Variants in PCDHB10 observed in about 807,000 individuals in gnomAD.
PCDHB10 encodes the protein protocadherin beta 10.
For missense variants in PCDHB10, 1,046 were observed against 1,004.7 expected, an observed-to-expected ratio of 1.04 and a Z score of -0.56; for synonymous variants, 448 against 449.2, an observed-to-expected ratio of 1.00 and a Z score of 0.04.
rs781811461 is a variant in PCDHB10, at chr5:141,192,575, T to C, written c.23T>C (p.Phe8Ser). The change falls in exon 1 of 1, where the codon TTC becomes TCC. Residue 8 changes from phenylalanine to serine, a missense_variant. Transcript: ENST00000239446. ...GCTATGGCTGTCAGAGAGTTGTGCT[T>C]CCCAAGACAAAGGCAAGTCCTGTTT... MAVRELC[F>S]PRQRQVLFLF... 1.4e-5 allele frequency: 22 copies of C among 1,614,038 alleles called. No homozygotes were observed. Among genetic ancestry groups the C allele is most frequent in the Non-Finnish European group, 1.8e-5 (21 of 1,179,998 alleles).
At position 141,194,792 on chromosome 5, in the gene PCDHB10, T is replaced by G. The variant is rs1754017706; in HGVS notation, c.2240T>G (p.Leu747Arg). The change falls in exon 1 of 1, where the codon CTG (leucine) becomes CGG (arginine). Residue 747 changes from leucine (L) to arginine (R), a missense_variant. Transcript: ENST00000239446. ...GTGGACGTGAGGGGCGCTGAGACCCTGTCCCAGAGCTACCAGTATGAGGTG... is the reference window on the plus strand; with the variant it reads ...GTGGACGTGAGGGGCGCTGAGACCCGGTCCCAGAGCTACCAGTATGAGGTG... ...HLVDVRGAET[L>R]SQSYQYEVCL... 6.2e-7 allele frequency: 1 copy of G among 1,614,000 alleles called. No homozygotes were observed.
rs1470867293 is a variant in PCDHB10 at position 141,194,405 on chromosome 5, G to A, written c.1853G>A (p.Trp618Ter). 6.2e-7 allele frequency: 1 copy of A among 1,603,090 alleles called. No individual in the cohort carries two copies. The highest frequency in any genetic ancestry group is 8.5e-7 in the Non-Finnish European group (1 of 1,179,440). The change falls in exon 1 of 1, where the codon TGG becomes TAG. Residue 618 changes from tryptophan (W) to a stop codon, truncating the protein, a stop_gained. Coordinates refer to ENST00000239446, the MANE Select transcript of PCDHB10 (RefSeq NM_018930.4). LOFTEE classifies it low-confidence loss of function (END_TRUNC). Reference protein sequence around the residue: ...KATEPGLFGVWAHNGEVRTAR... With the variant: ...KATEPGLFGV ...ACGGAGCCCGGGCTGTTCGGTGTGT[G>A]GGCGCACAATGGGGAGGTGCGCACC... is the stretch of plus-strand genomic sequence containing the variant.
Position 141,193,280 on chromosome 5 carries a change from C to A in PCDHB10, c.728C>A (p.Ala243Asp). 2 of 1,614,060 alleles carry A rather than the reference C, an allele frequency of 1.2e-6. No individual in the cohort carries two copies. Among genetic ancestry groups the A allele is most frequent in the Non-Finnish European group, 1.7e-6 (2 of 1,180,024 alleles). ...GTCAATGACAATGCCCCACAGTTTG[C>A]CCAGGCTCTGTATGAGACCCAGGCT... is the stretch of plus-strand genomic sequence containing the variant. The part of the protein sequence containing the change: ...LDVNDNAPQF[A>D]QALYETQAPE... The change falls in exon 1 of 1, where the codon GCC (alanine) becomes GAC (aspartate). Residue 243 changes from alanine (A) to aspartate (D), a missense_variant. Transcript: ENST00000239446.
rs1563953979 is a variant in PCDHB10, at chr5:141,193,506, T to G, written c.954T>G (p.Asn318Lys). 6.2e-7 allele frequency: 1 copy of G among 1,614,120 alleles called. No homozygotes were observed. Among genetic ancestry groups the G allele is most frequent in the Non-Finnish European group, 8.5e-7 (1 of 1,180,018 alleles). The change falls in exon 1 of 1, where the codon AAT (asparagine) becomes AAG (lysine). Residue 318 changes from asparagine (N) to lysine (K), a missense_variant. Physicochemically the swap from Asn to Lys is moderately conservative, Grantham distance 94. Coordinates refer to ENST00000239446, the MANE Select transcript of PCDHB10 (RefSeq NM_018930.4). The stretch of plus-strand genomic sequence containing the variant: ...AGTTAGTAAATTCTTACAAAATAAA[T>G]ATACAGGCAATGGACGGTGGAGGCC... The part of the protein sequence containing the change: ...DYELVNSYKI[N>K]IQAMDGGGLS...
At position 141,193,694 on chromosome 5, in the gene PCDHB10, T is replaced by A. The variant is rs1753966105; in HGVS notation, c.1142T>A (p.Met381Lys). Residue 381 changes from methionine (M) to lysine (K), a missense_variant, in exon 1 of 1, where the codon ATG becomes AAG. Coordinates refer to ENST00000239446, the MANE Select transcript of PCDHB10 (RefSeq NM_018930.4). ...AGAGACTCTGGAGAAAATGGAAAGA[T>A]GGTTTGCTACATTCAAGAGAATCTG... ...NDRDSGENGK[M>K]VCYIQENLPF... 6.2e-7 allele frequency: 1 copy of A among 1,614,124 alleles called. No homozygotes were observed. The highest frequency in any genetic ancestry group is 8.5e-7 in the Non-Finnish European group (1 of 1,180,032).
Position 141,193,076 on chromosome 5 carries a change from A to T in PCDHB10, c.524A>T (p.Asn175Ile). 6.2e-7 allele frequency: 1 copy of T among 1,614,114 alleles called. No homozygotes were observed. Among genetic ancestry groups the T allele is most frequent in the East Asian group, 2.2e-5 (1 of 44,884 alleles). The change falls in exon 1 of 1, where the codon AAC (asparagine) becomes ATC (isoleucine). Residue 175 changes from asparagine to isoleucine, a missense_variant. Asn to Ile is a moderately radical substitution (Grantham distance 149). Coordinates refer to ENST00000239446, the MANE Select transcript of PCDHB10 (RefSeq NM_018930.4). Reference sequence around the variant, plus strand: ...ATCCAAAACTACACGATCAGCCCCAACTCTTTTTTCCATATTAACATTAGT... The same window carrying T: ...ATCCAAAACTACACGATCAGCCCCATCTCTTTTTTCCATATTAACATTAGT... ...NGIQNYTISP[N>I]SFFHINISGG...
chr5:141,194,563 C>T lies in PCDHB10; in HGVS notation c.2011C>T (p.Leu671=). The T allele has an allele frequency of 6.4e-7, 1 of 1,574,112 alleles. No individual in the cohort carries two copies. Among genetic ancestry groups the T allele is most frequent in the South Asian group, 1.1e-5 (1 of 88,550 alleles). The part of the protein sequence containing the change: ...LLVDGFSQPY[L]PLPEAAPAQA... ...GGTGGACGGCTTCTCCCAGCCCTAC[C>T]TGCCTCTCCCGGAGGCGGCCCCGGC... is the stretch of plus-strand genomic sequence containing the variant. Residue 671 remains leucine (L), a synonymous_variant, in exon 1 of 1, where the codon CTG becomes TTG. Transcript: ENST00000239446.
chr5:141,192,612 T>C lies in PCDHB10; in HGVS notation c.60T>C (p.Phe20=), dbSNP rs141525292. The change falls in exon 1 of 1, where the codon TTT becomes TTC. Residue 20 remains phenylalanine (F), a synonymous_variant. Transcript: ENST00000239446. The part of the protein sequence containing the change: ...RQRQVLFLFL[F]WGVSLAGSGF... ...GGCAAGTCCTGTTTCTTTTTCTTTT[T>C]TGGGGAGTGTCCTTGGCAGGTTCTG... 1.3e-3 allele frequency: 2,054 copies of C among 1,613,690 alleles called. 17 individuals are homozygous for C. Among genetic ancestry groups the C allele is most frequent in the African/African-American group, 0.011 (806 of 74,988 alleles).
In PCDHB10 at chr5:141,195,217, T is replaced by A. The variant is rs1315356233; in HGVS notation, c.*262T>A. 2 of 321,070 alleles carry A rather than the reference T, an allele frequency of 6.2e-6. No individual in the cohort carries two copies. Among genetic ancestry groups the A allele is most frequent in the African/African-American group, 4.4e-5 (2 of 45,772 alleles). 19.9% of individuals were successfully genotyped at this position (321,070 alleles called of 1,614,324 possible). A position where few individuals can be genotyped will look rare whatever the true frequency, so the allele number is the denominator to read the frequency against. On this transcript the variant is annotated 3_prime_UTR_variant, in exon 1 of 1. Coordinates refer to ENST00000239446, the MANE Select transcript of PCDHB10 (RefSeq NM_018930.4). ...AGGAATTAATTACTATTATATCTCA[T>A]TACAGAAATCTGAGGTTTTGATTCA...
rs781917156 is a variant in PCDHB10, at chr5:141,192,558, T to G, written c.6T>G (p.Ala2=). The G allele has an allele frequency of 1.9e-6, 3 of 1,613,514 alleles. No homozygotes were observed. The highest frequency in any genetic ancestry group is 2.5e-6 in the Non-Finnish European group (3 of 1,179,812). The change falls in exon 1 of 1, where the codon GCT becomes GCG. Residue 2 remains alanine, a synonymous_variant. Coordinates refer to ENST00000239446, the MANE Select transcript of PCDHB10 (RefSeq NM_018930.4). The part of the protein sequence containing the change: M[A]VRELCFPRQR... ...AAATAACGTATGCAGCAGCTATGGCTGTCAGAGAGTTGTGCTTCCCAAGAC... is the reference window on the plus strand; with the variant it reads ...AAATAACGTATGCAGCAGCTATGGCGGTCAGAGAGTTGTGCTTCCCAAGAC...
rs1753953043 is a variant in PCDHB10, at chr5:141,193,307, C to A, written c.755C>A (p.Pro252Gln). Reference sequence around the variant, plus strand: ...CAGGCTCTGTATGAGACCCAGGCTCCAGAAAACAGCCCCATTGGGTTCCTT... The same window carrying A: ...CAGGCTCTGTATGAGACCCAGGCTCAAGAAAACAGCCCCATTGGGTTCCTT... ...FAQALYETQA[P>Q]ENSPIGFLIV... Residue 252 changes from proline to glutamine, a missense_variant, in exon 1 of 1, where the codon CCA becomes CAA. Pro to Gln is a moderately conservative substitution (Grantham distance 76). Transcript: ENST00000239446. The A allele has an allele frequency of 1.9e-6, 3 of 1,614,086 alleles. No individual in the cohort carries two copies. The South Asian group carries it at 3.3e-5, about 18-fold the overall frequency.
chr5:141,192,865 T>A lies in PCDHB10; in HGVS notation c.313T>A (p.Tyr105Asn). ...TGGCCCTAAAGAGCCCTGTATGCTG[T>A]ATTTCCAAATTTTAATGGATGATCC... ...LCGPKEPCML[Y>N]FQILMDDPFQ... Residue 105 changes from tyrosine to asparagine, a missense_variant, in exon 1 of 1, where the codon TAT becomes AAT. Physicochemically the swap from Tyr to Asn is moderately radical, Grantham distance 143. Coordinates refer to ENST00000239446, the MANE Select transcript of PCDHB10 (RefSeq NM_018930.4). 1 of 1,613,656 alleles carries A rather than the reference T, an allele frequency of 6.2e-7. No individual in the cohort carries two copies. Among genetic ancestry groups the A allele is most frequent in the Non-Finnish European group, 8.5e-7 (1 of 1,179,860 alleles).
In PCDHB10 at chr5:141,192,561, CAG is replaced by C. The variant is rs782294597; in HGVS notation, c.14_15del (p.Glu5ValfsTer32). 12 of 1,613,340 alleles carry C rather than the reference CAG, an allele frequency of 7.4e-6. No homozygotes were observed. The highest frequency in any genetic ancestry group is 3.3e-5 in the Admixed American group (2 of 59,870). ...TAACGTATGCAGCAGCTATGGCTGT[CAG>C]AGAGTTGTGCTTCCCAAGACAAAGG... The part of the protein sequence containing the change: MAV[R>X]ELCFPRQRQV... On this transcript the variant is annotated frameshift_variant, in exon 1 of 1. Transcript: ENST00000239446. LOFTEE classifies it low-confidence loss of function (END_TRUNC).
chr5:141,192,994 G>A lies in PCDHB10; in HGVS notation c.442G>A (p.Glu148Lys). The change falls in exon 1 of 1, where the codon GAA becomes AAA. Residue 148 changes from glutamate to lysine, a missense_variant. Glu to Lys is a moderately conservative substitution (Grantham distance 56). Transcript: ENST00000239446. Reference protein sequence around the residue: ...TVLKISENTAEGTAFRLERAQ... With the variant: ...TVLKISENTAKGTAFRLERAQ... ...CTTAAAAATATCAGAAAATACAGCT[G>A]AAGGGACAGCATTTAGACTAGAAAG... 1 of 1,614,194 alleles carries A rather than the reference G, an allele frequency of 6.2e-7. No homozygotes were observed. Among genetic ancestry groups the A allele is most frequent in the Middle Eastern group, 1.6e-4 (1 of 6,062 alleles).
At position 141,192,436 on chromosome 5, in the gene PCDHB10, G is replaced by A; in HGVS notation, c.-117G>A. 1 of 1,332,212 alleles carries A rather than the reference G, an allele frequency of 7.5e-7. No individual in the cohort carries two copies. The highest frequency in any genetic ancestry group is 1.5e-5 in the South Asian group (1 of 68,204). 82.5% of individuals were successfully genotyped at this position (1,332,212 alleles called of 1,614,324 possible). A position where few individuals can be genotyped will look rare whatever the true frequency, so the allele number is the denominator to read the frequency against. On this transcript the variant is annotated 5_prime_UTR_variant, in exon 1 of 1. Coordinates refer to ENST00000239446, the MANE Select transcript of PCDHB10 (RefSeq NM_018930.4). Reference sequence around the variant, plus strand: ...CTTTAGCTGCCAAAGATTGGGAAAGGGAAAGGACAAAAAAGACCCCTGGGC... The same window carrying A: ...CTTTAGCTGCCAAAGATTGGGAAAGAGAAAGGACAAAAAAGACCCCTGGGC...
Position 141,195,018 on chromosome 5 carries a change from T to G in PCDHB10, c.*63T>G. 6.8e-7 allele frequency: 1 copy of G among 1,480,954 alleles called. No individual in the cohort carries two copies. 91.7% of individuals were successfully genotyped at this position (1,480,954 alleles called of 1,614,324 possible). ...ATAGCCATGTTTCTATTAGTTTACT[T>G]TTAAATCTCAAATTTAAGTTATTAT... On this transcript the variant is annotated 3_prime_UTR_variant, in exon 1 of 1. Coordinates refer to ENST00000239446, the MANE Select transcript of PCDHB10 (RefSeq NM_018930.4).
At position 141,194,975 on chromosome 5, in the gene PCDHB10, A is replaced by C; in HGVS notation, c.*20A>C. The C allele has an allele frequency of 6.4e-7, 1 of 1,566,012 alleles. No homozygotes were observed. Among genetic ancestry groups the C allele is most frequent in the Non-Finnish European group, 8.7e-7 (1 of 1,154,424 alleles). On this transcript the variant is annotated 3_prime_UTR_variant, in exon 1 of 1. Coordinates refer to ENST00000239446, the MANE Select transcript of PCDHB10 (RefSeq NM_018930.4). ...CAGTAAAGTCTGTTTTTAGTTTCAT[A>C]TACTTTTGGTGTGTTACATAGCCAT...
chr5:141,195,179 T>C lies in PCDHB10; in HGVS notation c.*224T>C. 1 of 445,360 alleles carries C rather than the reference T, an allele frequency of 2.2e-6. No individual in the cohort carries two copies. Among genetic ancestry groups the C allele is most frequent in the Admixed American group, 4.1e-5 (1 of 24,650 alleles). 27.6% of individuals were successfully genotyped at this position (445,360 alleles called of 1,614,324 possible). A position where few individuals can be genotyped will look rare whatever the true frequency, so the allele number is the denominator to read the frequency against. On this transcript the variant is annotated 3_prime_UTR_variant, in exon 1 of 1. Transcript: ENST00000239446. ...ATGATAGTGTTAAGGTTTTAATTCTTTCCAACTGCCCAAGGAATTAATTAC... is the reference window on the plus strand; with the variant it reads ...ATGATAGTGTTAAGGTTTTAATTCTCTCCAACTGCCCAAGGAATTAATTAC...
At position 141,193,326 on chromosome 5, in the gene PCDHB10, G is replaced by C; in HGVS notation, c.774G>C (p.Gly258=). ...ETQAPENSPI[G]FLIVKVWAED... ...AGGCTCCAGAAAACAGCCCCATTGG[G>C]TTCCTTATTGTTAAGGTATGGGCAG... is the stretch of plus-strand genomic sequence containing the variant. The change falls in exon 1 of 1, where the codon GGG becomes GGC. Residue 258 remains glycine, a synonymous_variant. Coordinates refer to ENST00000239446, the MANE Select transcript of PCDHB10 (RefSeq NM_018930.4). 6.2e-7 allele frequency: 1 copy of C among 1,614,086 alleles called. No individual in the cohort carries two copies.
Sources: allele counts gnomAD v4.1 joint callset, GRCh38; gene constraint gnomAD v4.1.1; transcripts MANE v1.5; gene names NCBI Gene and HGNC (gene_info 2026-07-23, HGNC 2026-07-21).